Variants in POLQ observed in about 807,000 individuals in gnomAD.
POLQ encodes the protein epididymis secretory sperm binding protein.
In POLQ, 233 loss-of-function variants were observed where a neutral mutation model predicts 259.2. The observed-to-expected ratio is 0.90, with a 90% confidence interval of 0.81 to 1.00. The LOEUF (loss-of-function observed/expected upper bound fraction) is 1.00. Ranked by LOEUF, POLQ falls within the 50% of genes least tolerant of loss-of-function variation. POLQ has a pLI of 0.00. For missense variants in POLQ, 2,871 were observed against 3,051.6 expected (o/e 0.94, Z 1.39); for synonymous variants, 1,025 against 1,048.8 (o/e 0.98, Z 0.44).
intron 24 of POLQ, among the ~76,000 whole-genome samples, chr3:121,462,628 G>C (rs2047801423): frequency 6.6e-6 from 1 of 152,176 alleles, no homozygotes; most frequent in African/African-American, 2.4e-5. Context: ...TATTACTAAA[G>C]GAAGAACAAA....
chr3:121,494,741 A>G, intron 14 of POLQ: 1 of 1,554,704 alleles, frequency 6.4e-7, no homozygotes, highest in Non-Finnish European at 8.8e-7. Context: ...CTCGGAAGAC[A>G]AAGGCACTTT....
At chr3:121,436,337 T>C (rs2047544644) in intron 27 of POLQ, 62 bp from the exon 28 acceptor site, 8 of 1,549,852 alleles carry the variant, frequency 5.2e-6, no homozygotes, top group Non-Finnish European at 6.2e-6. Flanking sequence ...TACTTTCCTT[T>C]AGTGTCCACA....
chr3:121,527,138 G>A (rs1379920853), intron 7 of POLQ, among the ~76,000 whole-genome samples: 2 of 152,074 alleles, frequency 1.3e-5, no homozygotes, highest in Admixed American at 6.5e-5. Context: ...TCGGCTCACT[G>A]CAACCTCTGC....
chr3:121,438,459 G>C (rs2047562474), intron 27 of POLQ, among the ~76,000 whole-genome samples: 1 of 152,038 alleles, frequency 6.6e-6, no homozygotes, highest in Non-Finnish European at 1.5e-5. Context: ...GCCACTAAAA[G>C]CCTTCTGTCA....
chr3:121,441,371 T>C (rs1014084299), intron 26 of POLQ, among the ~76,000 whole-genome samples: 3 of 152,168 alleles, frequency 2.0e-5, no homozygotes, highest in African/African-American at 7.2e-5. Context: ...ATACAAAACA[T>C]GTTCATCTCC....
intron 28 of POLQ, among the ~76,000 whole-genome samples, chr3:121,433,437 A>C (rs1286971479): frequency 6.6e-6 from 1 of 152,184 alleles, no homozygotes; most frequent in African/African-American, 2.4e-5. Flanking sequence ...ACTGTTTCTT[A>C]AGGGGGACAC....
chr3:121,480,395 C>A (rs75990068), intron 19 of POLQ, among the ~76,000 whole-genome samples: 1,918 of 152,204 alleles, frequency 0.013, 35 homozygotes, highest in African/African-American at 0.044. Context: ...TACATTCTCT[C>A]CAAAAACTTC....
In POLQ at chr3:121,452,984, AC is replaced by A. The variant is rs377309383; in HGVS notation, c.7153-3559del. 5.1e-4 allele frequency among the ~76,000 whole-genome samples: 77 copies of A among 152,086 alleles called. No individual in the cohort carries two copies. The East Asian group carries it at 7.9e-3, about 16-fold the overall frequency. The stretch of plus-strand genomic sequence containing the variant: ...CCCCCGAGCAGCCTAACTGGGAGGC[AC>A]CCCCCAGTAGGGGCAGACTGACACC... On this transcript the variant is annotated intron_variant, in intron 25 of 29. Transcript: ENST00000264233.
chr3:121,432,858 C>T (rs1427640846), intron 29 of POLQ, 60 bp downstream of exon 29: 3 of 983,570 alleles, frequency 3.1e-6, no homozygotes, highest in South Asian at 2.6e-5. Flanking sequence ...ACAAAGCTGT[C>T]GGCCTGACAA....
At chr3:121,535,702 C>A (rs983106678) in intron 5 of POLQ, among the ~76,000 whole-genome samples, 1 of 116,454 alleles carries the variant, frequency 8.6e-6, no homozygotes, top group Non-Finnish European at 1.7e-5. Flanking sequence ...GGCAAAAGAG[C>A]GGAACTCCAT....
intron 24 of POLQ, among the ~76,000 whole-genome samples, chr3:121,463,646 C>T (rs2047811519): frequency 1.3e-5 from 2 of 152,084 alleles, no homozygotes; most frequent in Non-Finnish European, 2.9e-5. Flanking sequence ...CTTACAAAAT[C>T]AAACCAGTGG....
chr3:121,450,086 T>C (rs1034364503), intron 25 of POLQ, among the ~76,000 whole-genome samples: 24 of 152,196 alleles, frequency 1.6e-4, no homozygotes, highest in African/African-American at 5.1e-4. Context: ...AAATGTATCA[T>C]CTTGCACAAG....
intron 17 of POLQ, 152 bp from the exon 18 acceptor site, chr3:121,483,734 G>T: frequency 1.9e-6 from 1 of 514,224 alleles, no homozygotes; most frequent in Non-Finnish European, 3.4e-6. Flanking sequence ...ATCTTATCCA[G>T]GTCATATCAG....
Position 121,476,654 on chromosome 3 carries a change from T to A in POLQ, c.6291A>T (p.Ala2097=), listed in dbSNP as rs367723511. 6.2e-7 allele frequency: 1 copy of A among 1,613,688 alleles called. No homozygotes were observed. The highest frequency in any genetic ancestry group is 1.1e-5 in the South Asian group (1 of 91,074). The change falls in exon 20 of 30, where the codon GCA becomes GCT. Residue 2097 remains alanine, a synonymous_variant. Coordinates refer to ENST00000264233, the MANE Select transcript of POLQ (RefSeq NM_199420.4). The part of the protein sequence containing the change: ...LELNGIGFST[A]ECESQKHIMQ... The stretch of plus-strand genomic sequence containing the variant: ...TTATATGTTTCTGACTTTCACATTC[T>A]GCAGTACTAAAGCCAATTCCATTTA...
chr3:121,530,318 T>G (rs2048402209), intron 6 of POLQ, among the ~76,000 whole-genome samples: 1 of 152,150 alleles, frequency 6.6e-6, no homozygotes, highest in South Asian at 2.1e-4. Flanking sequence ...GCTAAATGAT[T>G]TTGCCCAACT....
intron 19 of POLQ, among the ~76,000 whole-genome samples, chr3:121,479,927 G>C (rs1430421117): frequency 6.6e-6 from 1 of 151,994 alleles, no homozygotes; most frequent in African/African-American, 2.4e-5. Context: ...GTAATAGGAA[G>C]AATCAAAGGC....
intron 14 of POLQ, among the ~76,000 whole-genome samples, chr3:121,495,571 C>A (rs748369104): frequency 6.6e-6 from 1 of 151,722 alleles, no homozygotes; most frequent in Admixed American, 6.6e-5. Flanking sequence ...CGGCCGGGCG[C>A]GGGTGGCTTA....
chr3:121,543,456 G>C (rs761680587), intron 2 of POLQ, among the ~76,000 whole-genome samples: 13 of 152,176 alleles, frequency 8.5e-5, no homozygotes, highest in Non-Finnish European at 1.6e-4. Flanking sequence ...TAATCTGTGA[G>C]GCTGCATAGC....
At position 121,449,299 on chromosome 3, in the gene POLQ, C is replaced by T. The variant is rs1399437072; in HGVS notation, c.7264+16G>A. The T allele has an allele frequency of 1.7e-6, 2 of 1,198,680 alleles. No homozygotes were observed. Among genetic ancestry groups the T allele is most frequent in the Non-Finnish European group, 2.5e-6 (2 of 803,356 alleles). The allele number at this position is 1,198,680 out of a possible 1,614,324, so 74.3% of individuals were successfully genotyped here. A position where few individuals can be genotyped will look rare whatever the true frequency, so the allele number is the denominator to read the frequency against. ...GTAAGATGGTTGAAAAGAATACTAT[C>T]TAGAAGATAAATTACCTGTGTATCT... On this transcript the variant is annotated intron_variant, in intron 26 of 29. Coordinates refer to ENST00000264233, the MANE Select transcript of POLQ (RefSeq NM_199420.4).
Sources: allele counts gnomAD v4.1 joint callset (sites outside exome capture counted in the v4.1 genomes callset), GRCh38; gene constraint gnomAD v4.1.1; transcripts MANE v1.5; gene names NCBI Gene and HGNC (gene_info 2026-07-23, HGNC 2026-07-21).